Variants in ARL10 observed in about 807,000 individuals in gnomAD.
ARL10 encodes the protein ARF like GTPase 10.
A neutral mutation model predicts 26.1 loss-of-function variants in ARL10; 23 were observed. The ratio of observed to expected loss-of-function variants is 0.88; its 90% CI spans 0.63 to 1.25. ARL10 has a LOEUF of 1.25. ARL10 is among the 50% of genes most tolerant of loss of function. ARL10 has a pLI of 0.00. For synonymous variants in ARL10, 138 were observed against 149.1 expected, an observed-to-expected ratio of 0.93 and a Z score of 0.54; for missense variants, 300 against 323.6, an observed-to-expected ratio of 0.93 and a Z score of 0.56.
chr5:176,366,861 C>T (rs1260157562), intron 2 of ARL10, among the ~76,000 whole-genome samples: 1 of 152,112 alleles, frequency 6.6e-6, no homozygotes, highest in East Asian at 1.9e-4. Flanking sequence ...GTTCATATGC[C>T]AAGCACTTGA....
chr5:176,408,800 G>A, the ARL10 span, among the ~76,000 whole-genome samples: 3 of 152,180 alleles, frequency 2.0e-5, no homozygotes, highest in East Asian at 3.9e-4. Context: ...GATTACAGGC[G>A]TAAGCCGCCG....
chr5:176,386,306 G>T, downstream of ARL10: 1 of 181,394 alleles, frequency 5.5e-6, no homozygotes, highest in South Asian at 1.2e-4. Flanking sequence ...AAGGAATTCT[G>T]TATCAAATGT....
chr5:176,384,639 A>G (rs958654612), downstream of ARL10: 7 of 483,726 alleles, frequency 1.4e-5, no homozygotes, highest in Middle Eastern at 1.1e-3. Flanking sequence ...CAATAAATTA[A>G]CCATCCTGTG....
intron 1 of ARL10, among the ~76,000 whole-genome samples, chr5:176,397,394 T>C (rs1187503123): frequency 1.9e-5 from 2 of 104,046 alleles, no homozygotes; most frequent in African/African-American, 7.7e-5. Context: ...CAGCTCCCTC[T>C]CATGTCCCCA....
chr5:176,385,368 T>C (rs767250872), downstream of ARL10: 1 of 1,206,912 alleles, frequency 8.3e-7, no homozygotes, highest in South Asian at 1.2e-5. Context: ...GAATGAGGCT[T>C]TGCTTTCTGT....
downstream of ARL10, chr5:176,381,936 CTCAAAACCTCAG>C (rs1291793218): frequency 2.0e-5 from 3 of 152,242 alleles, no homozygotes; most frequent in Non-Finnish European, 4.4e-5. Flanking sequence ...CAAGACCACT[CTCAAAACCTCAG>C]GTCCCAGCAG....
the ARL10 span, among the ~76,000 whole-genome samples, chr5:176,413,628 G>A: frequency 9.9e-5 from 15 of 152,222 alleles, no homozygotes; most frequent in Admixed American, 4.6e-4. Flanking sequence ...ACTGGCGGCC[G>A]CTGCTAAGCC....
At chr5:176,410,283 T>C in the ARL10 span, 1 of 1,613,908 alleles carries the variant, frequency 6.2e-7, no homozygotes, top group Admixed American at 1.7e-5. Context: ...TTGACTGTGG[T>C]CCCCATGTCC....
chr5:176,410,446 T>C, the ARL10 span: 2 of 634,730 alleles, frequency 3.2e-6, no homozygotes, highest in Non-Finnish European at 5.6e-6. Flanking sequence ...AATGGATATA[T>C]ATATAACTTA....
At chr5:176,404,995 T>C (rs1188409309), downstream of ARL10, among the ~76,000 whole-genome samples, 1 of 152,144 alleles carries the variant, frequency 6.6e-6, no homozygotes, top group Non-Finnish European at 1.5e-5. Flanking sequence ...CTGTTAAACC[T>C]CCTGTATAAA....
Position 176,372,952 on chromosome 5 carries a change from A to C in ARL10, c.*1057A>C, listed in dbSNP as rs570394727. 2.5e-6 allele frequency: 1 copy of C among 398,634 alleles called. No individual in the cohort carries two copies. Among genetic ancestry groups the C allele is most frequent in the South Asian group, 1.3e-4 (1 of 7,864 alleles). The allele number at this position is 398,634 out of a possible 1,614,324, so 24.7% of individuals were successfully genotyped here. ...AGATAACATACAGATGTCAGTGGAG[A>C]CAAAGTTGTGGGTTCCTCCTCCCAC... is the stretch of plus-strand genomic sequence containing the variant. On this transcript the variant is annotated 3_prime_UTR_variant, in exon 4 of 4. Coordinates refer to ENST00000310389, the MANE Select transcript of ARL10 (RefSeq NM_173664.6).
downstream of ARL10, chr5:176,392,698 C>T: frequency 6.5e-7 from 1 of 1,542,322 alleles, no homozygotes; most frequent in Non-Finnish European, 8.9e-7. The surrounding 1 kb of genome is among the most constrained non-coding windows in gnomAD (Gnocchi z 5.2). Flanking sequence ...CTGCGAGTCT[C>T]CACCCCGACC....
At chr5:176,389,029 G>C (rs1247496285), downstream of ARL10, 3 of 1,594,114 alleles carry the variant, frequency 1.9e-6, no homozygotes, top group African/African-American at 1.3e-5. Flanking sequence ...CGGAGGGAAG[G>C]AAGTAGAGAA....
chr5:176,401,138 C>T (rs1470679785), intron 1 of ARL10, among the ~76,000 whole-genome samples: 1 of 152,240 alleles, frequency 6.6e-6, no homozygotes, highest in Admixed American at 6.5e-5. Context: ...CACAAGTTCA[C>T]TGCTGCTCCT....
At chr5:176,412,181 A>AG in the ARL10 span, among the ~76,000 whole-genome samples, 2 of 151,894 alleles carry the variant, frequency 1.3e-5, no homozygotes, top group South Asian at 4.2e-4. Context: ...TCTCAAAAAA[A>AG]AAAAAAAAAA....
chr5:176,380,505 ACT>A lies in ARL10; in HGVS notation c.*8613_*8614del, dbSNP rs1208140351. 2 of 110,038 alleles carry A rather than the reference ACT, an allele frequency of 1.8e-5. No homozygotes were observed. The highest frequency in any genetic ancestry group is 3.4e-5 in the Non-Finnish European group (2 of 58,300). 6.8% of individuals were successfully genotyped at this position (110,038 alleles called of 1,614,324 possible). A position where few individuals can be genotyped will look rare whatever the true frequency, so the allele number is the denominator to read the frequency against. ...TTTTTTTTTTTTGAGACAGAGTCTT[ACT>A]CTGTCACCACCCAGGCTGTAGCGCA... On this transcript the variant is annotated 3_prime_UTR_variant, in exon 4 of 4. Coordinates refer to ENST00000310389, the MANE Select transcript of ARL10 (RefSeq NM_173664.6).
chr5:176,394,484 C>T (rs1359711523), intron 1 of ARL10, among the ~76,000 whole-genome samples: 3 of 152,074 alleles, frequency 2.0e-5, no homozygotes, highest in South Asian at 2.1e-4. Context: ...CCTGCCTGGC[C>T]AACATGGTGA....
At chr5:176,394,716 G>A (rs1475757298) in intron 1 of ARL10, among the ~76,000 whole-genome samples, 3 of 152,138 alleles carry the variant, frequency 2.0e-5, no homozygotes, top group Non-Finnish European at 4.4e-5. Context: ...TCAGGAGGCC[G>A]AGGCAGAAGA....
the ARL10 span, among the ~76,000 whole-genome samples, chr5:176,412,657 C>G: frequency 2.0e-5 from 3 of 152,120 alleles, no homozygotes; most frequent in Non-Finnish European, 4.4e-5. Context: ...GGTACTTAAT[C>G]CCATGGAAAT....
Sources: gnomAD v4.1 joint callset for allele counts (sites outside exome capture counted in the v4.1 genomes callset) on GRCh38, gnomAD v4.1.1 for gene constraint, Gnocchi (gnomAD v3.1) non-coding constraint, MANE v1.5 for transcripts, NCBI Gene and HGNC (gene_info 2026-07-23, HGNC 2026-07-21) for gene names.